Variants in SSH3 observed in about 807,000 individuals in gnomAD.
The protein encoded by SSH3 is slingshot protein phosphatase 3, also known as protein phosphatase Slingshot homolog 3.
Under a neutral mutation model 75.0 loss-of-function variants are expected in SSH3, and 67 were observed. That is an observed-to-expected ratio of 0.89 (90% CI 0.73 to 1.10). The LOEUF is 1.10. SSH3 is among the 50% of genes least tolerant of loss of function. The pLI is 0.00. For missense variants in SSH3, 824 were observed against 872.7 expected (o/e 0.94, Z 0.70); for synonymous variants, 318 against 349.2 (o/e 0.91, Z 1.00).
chr11:67,309,589 G>A, intron 11 of SSH3, 46 bp downstream of exon 11: 1 of 1,599,956 alleles, frequency 6.3e-7, no homozygotes, highest in East Asian at 2.2e-5. Context: ...GCTTCAAGCG[G>A]CCTCCGGTGC....
At chr11:67,303,787 TGAG>T (rs1861137168) in intron 1 of SSH3, 96 bp downstream of exon 1, 7 of 1,293,956 alleles carry the variant, frequency 5.4e-6, no homozygotes, top group African/African-American at 1.6e-5. Flanking sequence ...AACGGGGACA[TGAG>T]GAGGGGGCCC....
rs1861422712 is a variant in SSH3, at chr11:67,311,810, A to C, written c.1903A>C (p.Ile635Leu). The C allele has an allele frequency of 1.2e-6, 2 of 1,613,444 alleles. No homozygotes were observed. Among genetic ancestry groups the C allele is most frequent in the East Asian group, 4.5e-5 (2 of 44,882 alleles). Reference protein sequence around the residue: ...GQGQGQGEPCISSTPRFRKVV... With the variant: ...GQGQGQGEPCLSSTPRFRKVV... The stretch of plus-strand genomic sequence containing the variant: ...GGGGCAGGGGCAGGGAGAGCCCTGC[A>C]TTTCCTCTACGCCCAGGTTCCGGAA... The change falls in exon 14 of 14, where the codon ATT becomes CTT. Residue 635 changes from isoleucine to leucine, a missense_variant. Physicochemically the swap from Ile to Leu is conservative, Grantham distance 5. Transcript: ENST00000308127.
chr11:67,311,556 C>T, intron 13 of SSH3, 35 bp from the exon 14 acceptor site: 1 of 1,610,406 alleles, frequency 6.2e-7, no homozygotes, highest in Non-Finnish European at 8.5e-7. Context: ...CCCAGAAAGG[C>T]CTCCCATGGC....
At chr11:67,306,462 A>C (rs1861248337) in intron 3 of SSH3, among the ~76,000 whole-genome samples, 1 of 151,918 alleles carries the variant, frequency 6.6e-6, no homozygotes, top group South Asian at 2.1e-4. Flanking sequence ...TTATCTGGGC[A>C]TGGTGGCATG....
Position 67,305,973 on chromosome 11 carries a change from G to A in SSH3, c.340-865G>A, listed in dbSNP as rs572231572. 2.0e-5 allele frequency among the ~76,000 whole-genome samples: 3 copies of A among 152,130 alleles called. No homozygotes were observed. The East Asian group carries it at 5.8e-4, about 29-fold the overall frequency. The stretch of plus-strand genomic sequence containing the variant: ...TCAAATGAAATGATAGCATTTGCAA[G>A]TGACAGGGTAAAAAAAAAACAACAA... On this transcript the variant is annotated intron_variant, in intron 3 of 13. Transcript: ENST00000308127.
In SSH3 at chr11:67,307,475, C is replaced by G. The variant is rs1455379970; in HGVS notation, c.602+39C>G. On this transcript the variant is annotated intron_variant, in intron 6 of 13. Transcript: ENST00000308127. The surrounding 1 kb of genome is among the most constrained non-coding windows in gnomAD (Gnocchi z 4.2). The stretch of plus-strand genomic sequence containing the variant: ...CTGCCTGGACTCAGGCCAGCCTCTC[C>G]TTCGAAGGAGGCTGCAGGGCCTGGG... The G allele has an allele frequency of 6.2e-7, 1 of 1,613,756 alleles. No homozygotes were observed. The highest frequency in any genetic ancestry group is 1.1e-5 in the South Asian group (1 of 91,072).
intron 13 of SSH3, 49 bp downstream of exon 13, chr11:67,310,388 G>A (rs1250790808): frequency 1.3e-6 from 2 of 1,555,590 alleles, no homozygotes; most frequent in African/African-American, 1.4e-5. Flanking sequence ...GGGGCCATAA[G>A]GAGGGAGATG....
intron 10 of SSH3, 142 bp from the exon 11 acceptor site, chr11:67,309,255 C>T (rs1164046292): frequency 9.7e-7 from 1 of 1,028,534 alleles, no homozygotes; most frequent in Non-Finnish European, 1.4e-6. Context: ...ACAGCTGGGT[C>T]ACTTCTCCTC....
In SSH3 at chr11:67,311,738, G is replaced by A. The variant is rs147908277; in HGVS notation, c.1831G>A (p.Val611Met). ...AGTGGTTACCCTCCAGGGCAGTGCC[G>A]TGGTGGCCAACCGGACCCAGGCCTT... is the stretch of plus-strand genomic sequence containing the variant. ...QSVVTLQGSA[V>M]VANRTQAFQE... The change falls in exon 14 of 14, where the codon GTG becomes ATG. Residue 611 changes from valine to methionine, a missense_variant. Physicochemically the swap from Val to Met is conservative, Grantham distance 21. Coordinates refer to ENST00000308127, the MANE Select transcript of SSH3 (RefSeq NM_017857.4). 2.1e-5 allele frequency: 34 copies of A among 1,614,046 alleles called. 1 individual carries two copies. The highest frequency in any genetic ancestry group is 2.0e-4 in the African/African-American group (15 of 75,040).
In SSH3 at chr11:67,304,813, C is replaced by T. The variant is rs1393413196; in HGVS notation, c.145C>T (p.Gln49Ter). 1.2e-6 allele frequency: 2 copies of T among 1,612,272 alleles called. No homozygotes were observed. Among genetic ancestry groups the T allele is most frequent in the Non-Finnish European group, 1.7e-6 (2 of 1,179,506 alleles). Residue 49 changes from glutamine to a stop codon, truncating the protein, a stop_gained, in exon 3 of 14, where the codon CAG becomes TAG. Transcript: ENST00000308127. LOFTEE classifies it high-confidence loss of function. ...AVLRGAVLGLQDGGDNDDAAE... is the reference protein window; with the variant it reads ...AVLRGAVLGL ...GCTCCGTGGGGCTGTCCTGGGACTG[C>T]AGGATGGAGGGGACAATGATGATGC...
At chr11:67,306,721 A>T in intron 3 of SSH3, 117 bp from the exon 4 acceptor site, 1 of 1,217,848 alleles carries the variant, frequency 8.2e-7, no homozygotes, top group South Asian at 1.6e-5. Flanking sequence ...TACATCTGGG[A>T]AGAGGGGGGA....
chr11:67,306,988 GGCAA>G (rs752732993), intron 4 of SSH3, 26 bp downstream of exon 4: 1 of 1,612,734 alleles, frequency 6.2e-7, no homozygotes, highest in African/African-American at 1.3e-5. Context: ...GGAAAGGAGG[GGCAA>G]AGAGGTGAGG....
chr11:67,309,034 A>G (rs1318121897), intron 10 of SSH3, among the ~76,000 whole-genome samples: 2 of 152,206 alleles, frequency 1.3e-5, no homozygotes, highest in Non-Finnish European at 2.9e-5. Context: ...GGTACCTGTC[A>G]TCTGCCCACC....
intron 1 of SSH3, 128 bp from the exon 2 acceptor site, chr11:67,303,990 G>A: frequency 7.9e-7 from 1 of 1,264,182 alleles, no homozygotes; most frequent in East Asian, 2.7e-5. Flanking sequence ...GGTGGGGCGT[G>A]GACTGGGGTG....
Position 67,311,705 on chromosome 11 carries a change from C to T in SSH3, c.1798C>T (p.Arg600Cys), listed in dbSNP as rs372658841. The change falls in exon 14 of 14, where the codon CGC (arginine) becomes TGC (cysteine). Residue 600 changes from arginine (R) to cysteine (C), a missense_variant. Arg to Cys is a radical substitution (Grantham distance 180). Transcript: ENST00000308127. ...GGGGCCTCAGCCTGCCCTGAAGTCC[C>T]GCCAGTCAGTGGTTACCCTCCAGGG... Reference protein sequence around the residue: ...DRGPQPALKSRQSVVTLQGSA... With the variant: ...DRGPQPALKSCQSVVTLQGSA... The T allele has an allele frequency of 1.9e-5, 30 of 1,613,902 alleles. No homozygotes were observed. The highest frequency in any genetic ancestry group is 2.3e-5 in the Non-Finnish European group (27 of 1,179,976).
At position 67,306,978 on chromosome 11, in the gene SSH3, G is replaced by T; in HGVS notation, c.464+16G>T. 1 of 1,612,342 alleles carries T rather than the reference G, an allele frequency of 6.2e-7. No homozygotes were observed. The highest frequency in any genetic ancestry group is 1.3e-5 in the African/African-American group (1 of 75,006). Reference sequence around the variant, plus strand: ...CTGACAGCAGGTTCGAGCAGGGAGAGGAAAGGAGGGGCAAAGAGGTGAGGG... The same window carrying T: ...CTGACAGCAGGTTCGAGCAGGGAGATGAAAGGAGGGGCAAAGAGGTGAGGG... On this transcript the variant is annotated intron_variant, in intron 4 of 13. Coordinates refer to ENST00000308127, the MANE Select transcript of SSH3 (RefSeq NM_017857.4).
chr11:67,307,317 G>A lies in SSH3; in HGVS notation c.537-54G>A. On this transcript the variant is annotated intron_variant, in intron 5 of 13. Transcript: ENST00000308127. This position sits in a 1 kb window ranked among gnomAD's most constrained non-coding sequence, Gnocchi z 4.2. Reference sequence around the variant, plus strand: ...CTTCCCGTATCCAGCAAAAGGATGGGTTCTCTGTCGCAGAGCCTGGAGTCT... The same window carrying A: ...CTTCCCGTATCCAGCAAAAGGATGGATTCTCTGTCGCAGAGCCTGGAGTCT... 1 of 1,608,640 alleles carries A rather than the reference G, an allele frequency of 6.2e-7. No homozygotes were observed. The highest frequency in any genetic ancestry group is 8.5e-7 in the Non-Finnish European group (1 of 1,178,206).
Position 67,307,348 on chromosome 11 carries a change from C to T in SSH3, c.537-23C>T, listed in dbSNP as rs748161097. The T allele has an allele frequency of 1.2e-6, 2 of 1,613,360 alleles. No individual in the cohort carries two copies. Among genetic ancestry groups the T allele is most frequent in the East Asian group, 2.2e-5 (1 of 44,866 alleles). On this transcript the variant is annotated intron_variant, in intron 5 of 13. Transcript: ENST00000308127. This position sits in a 1 kb window ranked among gnomAD's most constrained non-coding sequence, Gnocchi z 4.2. The stretch of plus-strand genomic sequence containing the variant: ...TGTCGCAGAGCCTGGAGTCTGGCCT[C>T]ACCTGTGCCTGGTCTCCTGCAGGGG...
Position 67,308,155 on chromosome 11 carries a change from C to A in SSH3, c.886-19C>A. 6.2e-7 allele frequency: 1 copy of A among 1,609,782 alleles called. No individual in the cohort carries two copies. Among genetic ancestry groups the A allele is most frequent in the Non-Finnish European group, 8.5e-7 (1 of 1,178,166 alleles). ...ACTAGGAGAGCCCCAGCCTCTCTTG[C>A]CCTGGGCTCTGCCTGCAGATCCGCC... On this transcript the variant is annotated intron_variant, in intron 8 of 13. Transcript: ENST00000308127. The surrounding 1 kb of genome is among the most constrained non-coding windows in gnomAD (Gnocchi z 4.9).
Sources: gnomAD v4.1 joint callset for allele counts (sites outside exome capture counted in the v4.1 genomes callset) on GRCh38, gnomAD v4.1.1 for gene constraint, Gnocchi (gnomAD v3.1) non-coding constraint, MANE v1.5 for transcripts, NCBI Gene and HGNC (gene_info 2026-07-23, HGNC 2026-07-21) for gene names.